Variants in SRFBP1 observed in about 807,000 individuals in gnomAD.
SRFBP1 encodes serum response factor binding protein 1, also known as serum response factor-binding protein 1.
Under a neutral mutation model 45.5 loss-of-function variants are expected in SRFBP1, and 47 were observed. The ratio of observed to expected loss-of-function variants is 1.03; its 90% CI spans 0.82 to 1.32. The LOEUF is 1.32. SRFBP1 is among the 40% of genes most tolerant of loss of function. SRFBP1 has a pLI of 0.00. For synonymous variants in SRFBP1, 203 were observed against 166.3 expected, an observed-to-expected ratio of 1.22 and a Z score of -1.70; for missense variants, 621 against 484.6, an observed-to-expected ratio of 1.28 and a Z score of -2.64.
At chr5:121,965,229 A>G (rs1301543914) in intron 1 of SRFBP1, among the ~76,000 whole-genome samples, 3 of 152,114 alleles carry the variant, frequency 2.0e-5, no homozygotes, top group Non-Finnish European at 4.4e-5. Flanking sequence ...TTTTGTTGCC[A>G]TTGCTTTTGG....
intron 2 of SRFBP1, chr5:122,065,567 A>G (rs986879006): frequency 1.3e-5 from 2 of 152,048 alleles, no homozygotes; most frequent in Non-Finnish European, 2.9e-5. Context: ...CAACCCCTCA[A>G]GTATGTAATA....
chr5:121,962,134 TG>T, intron 1 of SRFBP1, 66 bp downstream of exon 1: 1 of 1,599,262 alleles, frequency 6.3e-7, no homozygotes, highest in Non-Finnish European at 8.6e-7. Flanking sequence ...TTGAGACGCG[TG>T]GTCGGAGGCG....
Position 121,995,595 on chromosome 5 carries a change from A to G in SRFBP1, c.270+925A>G, listed in dbSNP as rs1039526483. Among the ~76,000 whole-genome samples, 251 of 152,240 alleles carry G rather than the reference A, an allele frequency of 1.6e-3. 2 individuals are homozygous for G. The highest frequency in any genetic ancestry group is 2.9e-3 in the East Asian group (15 of 5,174). ...CCAAAATTGACACCCTAACATCACA[A>G]TTAAAAGAACTAGAAAAGCAAGAGC... On this transcript the variant is annotated intron_variant, in intron 4 of 7. Transcript: ENST00000339397.
At chr5:121,976,199 A>G (rs1325227935) in intron 3 of SRFBP1, among the ~76,000 whole-genome samples, 4 of 151,814 alleles carry the variant, frequency 2.6e-5, no homozygotes, top group Admixed American at 2.0e-4. Context: ...CGGATAGTAA[A>G]GTGTTTAATA....
intron 2 of SRFBP1, among the ~76,000 whole-genome samples, chr5:122,071,193 A>ATGTGTGTG (rs35544795): frequency 2.2e-4 from 33 of 149,932 alleles, no homozygotes; most frequent in African/African-American, 6.9e-4. Context: ...AAACATTTAT[A>ATGTGTGTG]TGTGTGTGTG....
intron 2 of SRFBP1, among the ~76,000 whole-genome samples, chr5:122,067,628 A>G (rs1337249569): frequency 6.6e-6 from 1 of 152,068 alleles, no homozygotes; most frequent in African/African-American, 2.4e-5. Context: ...CTCCAGAATA[A>G]ATTTTAGCCT....
chr5:122,009,722 T>C (rs1197973987), intron 4 of SRFBP1, among the ~76,000 whole-genome samples: 1 of 152,232 alleles, frequency 6.6e-6, no homozygotes, highest in Non-Finnish European at 1.5e-5. Context: ...TACCTATTTC[T>C]TGTCTATCTA....
At chr5:121,999,989 A>G (rs920762663) in intron 4 of SRFBP1, among the ~76,000 whole-genome samples, 9 of 151,688 alleles carry the variant, frequency 5.9e-5, no homozygotes, top group Non-Finnish European at 1.0e-4. Context: ...GTTGTTTTCT[A>G]TTTGCTTCAT....
At chr5:121,966,740 C>T (rs1752077113) in intron 1 of SRFBP1, among the ~76,000 whole-genome samples, 1 of 151,862 alleles carries the variant, frequency 6.6e-6, no homozygotes, top group East Asian at 1.9e-4. Flanking sequence ...GGCCAACGGC[C>T]TATATGTACA....
intron 3 of SRFBP1, among the ~76,000 whole-genome samples, chr5:121,981,851 G>C (rs531683865): frequency 1.3e-5 from 2 of 152,020 alleles, no homozygotes; most frequent in African/African-American, 4.8e-5. Flanking sequence ...TGCTTAGTCA[G>C]AACTTCTTAA....
chr5:122,013,921 G>T (rs1753143864), intron 4 of SRFBP1, among the ~76,000 whole-genome samples: 2 of 152,152 alleles, frequency 1.3e-5, no homozygotes, highest in South Asian at 4.1e-4. Flanking sequence ...GGGAGAATCG[G>T]TCAACAGATA....
intron 2 of SRFBP1, among the ~76,000 whole-genome samples, chr5:122,036,870 G>A (rs1368696800): frequency 6.6e-6 from 1 of 151,474 alleles, no homozygotes; most frequent in African/African-American, 2.4e-5. Context: ...TATGAATATA[G>A]CAGCATTTTC....
At chr5:122,070,249 A>T in intron 2 of SRFBP1, 1 of 830,486 alleles carries the variant, frequency 1.2e-6, no homozygotes, top group Admixed American at 1.9e-5. Context: ...ACTTAGCTAA[A>T]TCAAGCAGGG....
chr5:122,035,036 A>G (rs1338843118), intron 2 of SRFBP1, among the ~76,000 whole-genome samples: 2 of 150,178 alleles, frequency 1.3e-5, no homozygotes, highest in Non-Finnish European at 1.5e-5. Flanking sequence ...CCAGGGATAC[A>G]GGTTTTTTTT....
At chr5:121,990,509 A>G (rs1313741104) in intron 3 of SRFBP1, among the ~76,000 whole-genome samples, 2 of 152,160 alleles carry the variant, frequency 1.3e-5, no homozygotes, top group African/African-American at 2.4e-5. Context: ...TCTTTACTCC[A>G]AACCTCAGCA....
At chr5:122,075,967 TA>T (rs1207485656), downstream of SRFBP1, 2 of 152,448 alleles carry the variant, frequency 1.3e-5, no homozygotes, top group Admixed American at 6.5e-5. Flanking sequence ...ACAAAACTTT[TA>T]AAAAAGTTAA....
intron 3 of SRFBP1, among the ~76,000 whole-genome samples, chr5:121,988,133 A>G (rs1238988542): frequency 2.0e-5 from 3 of 152,226 alleles, no homozygotes; most frequent in Admixed American, 2.0e-4. Context: ...TGTAGAAAAC[A>G]TGAATAATAT....
At chr5:121,987,656 C>A (rs1752543773) in intron 3 of SRFBP1, among the ~76,000 whole-genome samples, 1 of 152,104 alleles carries the variant, frequency 6.6e-6, no homozygotes, top group Non-Finnish European at 1.5e-5. Flanking sequence ...TGTATTGGGG[C>A]ATAATCCCTT....
intron 2 of SRFBP1, chr5:122,074,313 T>C (rs1198052953): frequency 4.5e-6 from 3 of 665,138 alleles, no homozygotes; most frequent in Non-Finnish European, 5.0e-6. Context: ...GAGAGATTCA[T>C]GCTAGGGTTT....
Sources: allele counts gnomAD v4.1 joint callset (sites outside exome capture counted in the v4.1 genomes callset), GRCh38; gene constraint gnomAD v4.1.1; transcripts MANE v1.5; gene names NCBI Gene and HGNC (gene_info 2026-07-23, HGNC 2026-07-21).